The following SGCD variants were observed in gnomAD, a reference collection of about 807,000 sequenced individuals.
SGCD encodes sarcoglycan delta.
Under a neutral mutation model 36.6 loss-of-function variants are expected in SGCD, and 18 were observed. That is an observed-to-expected ratio of 0.49 (90% CI 0.34 to 0.73). The LOEUF (loss-of-function observed/expected upper bound fraction) is 0.73. Ranked by LOEUF, SGCD falls within the 30% of genes least tolerant of loss-of-function variation. The pLI is 0.01. For missense variants in SGCD, 387 were observed against 346.7 expected (o/e 1.12, Z -0.92); for synonymous variants, 133 against 130.6 (o/e 1.02, Z -0.12).
intron 1 of SGCD, among the ~76,000 whole-genome samples, chr5:155,938,623 A>G (rs952245799): frequency 4.6e-5 from 7 of 152,190 alleles, no homozygotes; most frequent in African/African-American, 1.7e-4. Flanking sequence ...GGTTTTTCCC[A>G]TAAGCTAGTA....
chr5:156,412,916 C>T (rs1422513408), intron 3 of SGCD, among the ~76,000 whole-genome samples: 1 of 151,468 alleles, frequency 6.6e-6, no homozygotes, highest in African/African-American at 2.4e-5. Context: ...CTGCCTCAGC[C>T]TCCTGAGTAG....
At chr5:156,394,261 G>A (rs1387309703) in intron 3 of SGCD, among the ~76,000 whole-genome samples, 1 of 152,214 alleles carries the variant, frequency 6.6e-6, no homozygotes, top group African/African-American at 2.4e-5. Flanking sequence ...ATTGTGATAA[G>A]CAGTTGTGTA....
chr5:156,210,294 G>A (rs1007570928), intron 3 of SGCD, among the ~76,000 whole-genome samples: 1 of 152,142 alleles, frequency 6.6e-6, no homozygotes, highest in Non-Finnish European at 1.5e-5. Context: ...TGTTTGGATG[G>A]GCTGACTAGT....
intron 7 of SGCD, among the ~76,000 whole-genome samples, chr5:156,695,915 G>A (rs1193046485): frequency 6.6e-6 from 1 of 152,172 alleles, no homozygotes; most frequent in African/African-American, 2.4e-5. Context: ...CATCAGACTT[G>A]TCCATTCTCT....
chr5:156,317,759 C>T (rs1767556393), intron 3 of SGCD, among the ~76,000 whole-genome samples: 1 of 152,140 alleles, frequency 6.6e-6, no homozygotes. Context: ...TTACGTTGAG[C>T]TCAAGTACTG....
chr5:156,732,429 T>A (rs1382962606), intron 7 of SGCD, among the ~76,000 whole-genome samples: 1 of 152,196 alleles, frequency 6.6e-6, no homozygotes, highest in Admixed American at 6.5e-5. Flanking sequence ...TGAACCAGCC[T>A]TGCATCCTGG....
At chr5:155,754,919 T>C in the SGCD span, among the ~76,000 whole-genome samples, 1 of 152,176 alleles carries the variant, frequency 6.6e-6, no homozygotes, top group Non-Finnish European at 1.5e-5. Flanking sequence ...CAGATACAAA[T>C]GCTGGCTTAG....
the SGCD span, among the ~76,000 whole-genome samples, chr5:155,752,169 C>A: frequency 3.9e-5 from 6 of 152,318 alleles, 1 homozygote; most frequent in East Asian, 9.6e-4. Context: ...GTTCACTTAA[C>A]TATCTCTCCC....
intron 7 of SGCD, among the ~76,000 whole-genome samples, chr5:156,683,665 C>T (rs530991155): frequency 2.7e-4 from 41 of 152,328 alleles, no homozygotes; most frequent in Non-Finnish European, 5.4e-4. Flanking sequence ...AACCCCTATT[C>T]AATACCTTGA....
intron 1 of SGCD, among the ~76,000 whole-genome samples, chr5:155,990,342 G>T (rs1182862851): frequency 2.0e-5 from 3 of 152,126 alleles, no homozygotes; most frequent in Non-Finnish European, 4.4e-5. Context: ...TTCTGAATAT[G>T]ACATATAAAG....
chr5:156,610,558 C>G (rs1020112831), intron 6 of SGCD, among the ~76,000 whole-genome samples: 5 of 152,366 alleles, frequency 3.3e-5, no homozygotes. Flanking sequence ...AACCACTACT[C>G]TCTTCAAAGC....
At position 156,167,462 on chromosome 5, in the gene SGCD, A is replaced by G. The variant is rs1581142214; in HGVS notation, c.-44+43443A>G. Among the ~76,000 whole-genome samples the G allele has an allele frequency of 5.9e-5, 9 of 152,270 alleles. 1 individual carries two copies. The South Asian group carries it at 1.9e-3, about 32-fold the overall frequency. ...CTTGTTGCTTTGTTGCAAGTATGGT[A>G]ATATAGTTTGGATGTGTGTCCCCTC... On this transcript the variant is annotated intron_variant, in intron 3 of 9. Coordinates refer to the SGCD transcript ENST00000517913.
chr5:155,847,359 T>C, the SGCD span, among the ~76,000 whole-genome samples: 1 of 152,194 alleles, frequency 6.6e-6, no homozygotes, highest in African/African-American at 2.4e-5. Flanking sequence ...AGTCTTGCTT[T>C]TGATGCCAGC....
At chr5:156,526,017 C>T (rs1455045457) in intron 4 of SGCD, among the ~76,000 whole-genome samples, 2 of 152,122 alleles carry the variant, frequency 1.3e-5, no homozygotes, top group Non-Finnish European at 2.9e-5. Context: ...GTAATCAGGA[C>T]ATATGATACC....
rs7711296 is a variant in SGCD at position 156,237,485 on chromosome 5, C to T, written c.-43-92049C>T. 1.4e-4 allele frequency among the ~76,000 whole-genome samples: 22 copies of T among 152,096 alleles called. No individual in the cohort carries two copies. The South Asian group carries it at 4.2e-3, about 29-fold the overall frequency. ...ACTAAAAATGAAAAAATTAGCTGGC[C>T]ATGGTGACATGGGCCTGTAGTCCCA... On this transcript the variant is annotated intron_variant, in intron 3 of 9. Transcript: ENST00000517913.
chr5:156,011,776 C>T (rs959064111), intron 1 of SGCD, among the ~76,000 whole-genome samples: 5 of 152,126 alleles, frequency 3.3e-5, no homozygotes, highest in Non-Finnish European at 4.4e-5. Context: ...TGAATAATAC[C>T]TGGATTCTTC....
At chr5:156,746,095 G>C (rs1023110474) in intron 7 of SGCD, among the ~76,000 whole-genome samples, 1 of 151,410 alleles carries the variant, frequency 6.6e-6, no homozygotes, top group Non-Finnish European at 1.5e-5. Flanking sequence ...ATATCAGAAT[G>C]ACACTATAGA....
At chr5:156,724,400 A>C (rs572086319) in intron 7 of SGCD, among the ~76,000 whole-genome samples, 3 of 152,236 alleles carry the variant, frequency 2.0e-5, no homozygotes, top group Admixed American at 2.0e-4. Context: ...GTCAGGAGAT[A>C]GAGACCATCC....
At chr5:155,807,517 A>C in the SGCD span, among the ~76,000 whole-genome samples, 1 of 152,260 alleles carries the variant, frequency 6.6e-6, no homozygotes, top group Non-Finnish European at 1.5e-5. Context: ...AACAAACCCA[A>C]AATGCCAACC....
Sources: gnomAD v4.1 joint callset for allele counts (sites outside exome capture counted in the v4.1 genomes callset) on GRCh38, gnomAD v4.1.1 for gene constraint, MANE v1.5 for transcripts, NCBI Gene and HGNC (gene_info 2026-07-23, HGNC 2026-07-21) for gene names.